The following SLC35F2 variants were observed in gnomAD, a reference collection of about 807,000 sequenced individuals.
The protein encoded by SLC35F2 is solute carrier family 35 member F2.
In SLC35F2, 25 loss-of-function variants were observed where a neutral mutation model predicts 38.1. The observed-to-expected ratio is 0.66, with a 90% CI of 0.48 to 0.92. SLC35F2 has a LOEUF of 0.92. SLC35F2 is among the 40% of genes least tolerant of loss of function. The pLI is 0.00. For missense variants in SLC35F2, 409 were observed against 452.9 expected, an observed-to-expected ratio of 0.90 and a Z score of 0.88; for synonymous variants, 173 against 181.7, an observed-to-expected ratio of 0.95 and a Z score of 0.38.
At chr11:107,816,241 A>G (rs1310995218) in intron 1 of SLC35F2, 4 of 984,500 alleles carry the variant, frequency 4.1e-6, no homozygotes, top group African/African-American at 1.8e-5. Flanking sequence ...TTACTCAGCT[A>G]TAACATATAC....
chr11:107,836,567 T>C (rs1463270237), intron 1 of SLC35F2, among the ~76,000 whole-genome samples: 1 of 152,184 alleles, frequency 6.6e-6, no homozygotes, highest in Non-Finnish European at 1.5e-5. Context: ...CAGAAGGAGC[T>C]ATAACTACAG....
At chr11:107,833,555 G>T (rs1230244876) in intron 1 of SLC35F2, among the ~76,000 whole-genome samples, 2 of 148,456 alleles carry the variant, frequency 1.3e-5, no homozygotes, top group African/African-American at 5.1e-5. Context: ...GGTGAAATGG[G>T]TTGCCTAACT....
chr11:107,820,431 T>C (rs551998601), intron 1 of SLC35F2, among the ~76,000 whole-genome samples: 28 of 151,164 alleles, frequency 1.9e-4, no homozygotes, highest in Non-Finnish European at 3.4e-4. Context: ...CAGAAGAGAG[T>C]AGTGTTTTGC....
chr11:107,810,838 C>A (rs1178857066), intron 3 of SLC35F2: 1 of 979,530 alleles, frequency 1.0e-6, no homozygotes, highest in Non-Finnish European at 1.2e-6. Context: ...TTCAATTTTT[C>A]CAGTCCCTAA....
chr11:107,798,855 C>G (rs1859262135), intron 7 of SLC35F2, among the ~76,000 whole-genome samples: 2 of 152,238 alleles, frequency 1.3e-5, no homozygotes, highest in African/African-American at 4.8e-5. Context: ...GCAAGCGGAT[C>G]ACCTGAGGTC....
intron 1 of SLC35F2, among the ~76,000 whole-genome samples, chr11:107,828,054 G>C (rs1369349533): frequency 1.3e-5 from 2 of 152,122 alleles, no homozygotes; most frequent in Non-Finnish European, 2.9e-5. Context: ...GAAAACTAAG[G>C]ATTGAATCTA....
rs545423864 is a variant in SLC35F2, at chr11:107,825,435, G to A, written c.111-9470C>T. On this transcript the variant is annotated intron_variant, in intron 1 of 7. Coordinates refer to ENST00000525815, the MANE Select transcript of SLC35F2 (RefSeq NM_017515.5). ...TGCCCAGGCTGGAGTCCAGTGGCAC[G>A]ATCGCGGCTCACCGCAACCTCCACC... Among the ~76,000 whole-genome samples, 417 of 144,878 alleles carry A rather than the reference G, an allele frequency of 2.9e-3. 1 individual carries two copies. Among genetic ancestry groups the A allele is most frequent in the Non-Finnish European group, 4.7e-3 (319 of 67,160 alleles).
At position 107,810,489 on chromosome 11, in the gene SLC35F2, C is replaced by G. The variant is rs570732745; in HGVS notation, c.414+1178G>C. On this transcript the variant is annotated intron_variant, in intron 3 of 7. Transcript: ENST00000525815. ...AGATGTGACAAGAAAATACCATTTT[C>G]TACATACTTATGTATACTTCATTAA... The G allele has an allele frequency of 2.8e-5, 28 of 984,404 alleles. No individual in the cohort carries two copies. The African/African-American group carries it at 3.8e-4, about 13-fold the overall frequency. The allele number at this position is 984,404 out of a possible 1,614,324, so 61.0% of individuals were successfully genotyped here. A position where few individuals can be genotyped will look rare whatever the true frequency, so the allele number is the denominator to read the frequency against.
chr11:107,826,097 GAATA>G (rs781212368), intron 1 of SLC35F2, among the ~76,000 whole-genome samples: 5 of 152,072 alleles, frequency 3.3e-5, no homozygotes, highest in Non-Finnish European at 7.4e-5. Flanking sequence ...GAGACTAGCT[GAATA>G]AACACACAGG....
chr11:107,818,068 A>AGAAAGAAAGAAAG (rs1379037917), intron 1 of SLC35F2, among the ~76,000 whole-genome samples: 3 of 101,540 alleles, frequency 3.0e-5, no homozygotes, highest in African/African-American at 1.2e-4. Context: ...AAAAAAAAAA[A>AGAAAGAAAGAAAG]AAAAAAAGAA....
At chr11:107,843,263 A>G (rs751442713) in intron 1 of SLC35F2, among the ~76,000 whole-genome samples, 3 of 152,136 alleles carry the variant, frequency 2.0e-5, no homozygotes, top group African/African-American at 7.2e-5. Flanking sequence ...GGAACTTACT[A>G]TATTAAAAAA....
At chr11:107,829,018 G>C (rs1433328029) in intron 1 of SLC35F2, among the ~76,000 whole-genome samples, 3 of 151,290 alleles carry the variant, frequency 2.0e-5, no homozygotes, top group African/African-American at 7.3e-5. Context: ...TGAGGCAGGA[G>C]AATTGCTTGA....
intron 1 of SLC35F2, among the ~76,000 whole-genome samples, chr11:107,829,649 G>C (rs933363242): frequency 6.7e-6 from 1 of 148,800 alleles, no homozygotes; most frequent in Admixed American, 6.7e-5. Flanking sequence ...ACCTCTTGAT[G>C]GTAGTACATA....
At chr11:107,803,477 GTGATAAAA>G in intron 6 of SLC35F2, 1 of 984,608 alleles carries the variant, frequency 1.0e-6, no homozygotes, top group Non-Finnish European at 1.2e-6. Flanking sequence ...AGCGATGCCT[GTGATAAAA>G]GGCCAATAAA....
At position 107,799,179 on chromosome 11, in the gene SLC35F2, CTCTG is replaced by C. The variant is rs1423802514; in HGVS notation, c.939+3818_939+3821del. On this transcript the variant is annotated intron_variant, in intron 7 of 7. Coordinates refer to ENST00000525815, the MANE Select transcript of SLC35F2 (RefSeq NM_017515.5). ...AAGATTTCAGAAGACCTGCTCTTTGCTCTGTAAGTCTTGAAACATTTGACCAAAA... is the reference window on the plus strand; with the variant it reads ...AAGATTTCAGAAGACCTGCTCTTTGCTAAGTCTTGAAACATTTGACCAAAA... Among the ~76,000 whole-genome samples, 3 of 152,258 alleles carry C rather than the reference CTCTG, an allele frequency of 2.0e-5. No individual in the cohort carries two copies. The South Asian group carries it at 6.2e-4, about 32-fold the overall frequency.
At chr11:107,809,313 G>A (rs571165694) in intron 3 of SLC35F2, among the ~76,000 whole-genome samples, 6 of 117,508 alleles carry the variant, frequency 5.1e-5, no homozygotes, top group East Asian at 2.4e-4. Flanking sequence ...GCAAAACCTC[G>A]TATCTACTCA....
intron 6 of SLC35F2, among the ~76,000 whole-genome samples, chr11:107,804,428 T>C (rs1180470785): frequency 6.6e-6 from 1 of 152,196 alleles, no homozygotes; most frequent in Admixed American, 6.5e-5. Context: ...GGACCCAAGA[T>C]ACAGATCTAA....
At chr11:107,827,654 C>T (rs1157816162) in intron 1 of SLC35F2, among the ~76,000 whole-genome samples, 1 of 151,550 alleles carries the variant, frequency 6.6e-6, no homozygotes, top group East Asian at 1.9e-4. Context: ...AAGGCTGAGG[C>T]AAGAGAATCA....
At chr11:107,792,827 T>C in intron 7 of SLC35F2, 27 bp from the exon 8 acceptor site, 1 of 1,533,588 alleles carries the variant, frequency 6.5e-7, no homozygotes, top group African/African-American at 1.4e-5. Flanking sequence ...GGCAGTGAAT[T>C]GTGCCCCTCA....
Sources: gnomAD v4.1 joint callset for allele counts (sites outside exome capture counted in the v4.1 genomes callset) on GRCh38, gnomAD v4.1.1 for gene constraint, MANE v1.5 for transcripts, NCBI Gene and HGNC (gene_info 2026-07-23, HGNC 2026-07-21) for gene names.